Variants in SPTLC2 observed in about 807,000 individuals in gnomAD.
SPTLC2 encodes serine palmitoyltransferase 2.
In SPTLC2, 21 loss-of-function variants were observed where a neutral mutation model predicts 62.0. That is an observed-to-expected ratio of 0.34 (90% CI 0.24 to 0.49). The LOEUF is 0.49. Among genes scored for constraint, SPTLC2 ranks in the 20% least tolerant of loss-of-function variants. SPTLC2 has a pLI of 0.99. For synonymous variants in SPTLC2, 261 were observed against 261.8 expected (o/e 1.00, Z 0.03); for missense variants, 511 against 713.0 (o/e 0.72, Z 3.23).
chr14:77,551,287 G>A lies in SPTLC2; in HGVS notation c.1303+809C>T, dbSNP rs368803572. ...CGGGCGCCTGTAGTCCCAGCTACTC[G>A]GGAGGCTGAGGCAGAATGGTGTGAA... On this transcript the variant is annotated intron_variant, in intron 9 of 11. Coordinates refer to ENST00000216484, the MANE Select transcript of SPTLC2 (RefSeq NM_004863.4). Among the ~76,000 whole-genome samples, 112 of 150,488 alleles carry A rather than the reference G, an allele frequency of 7.4e-4. 2 individuals are homozygous for A. The highest frequency in any genetic ancestry group is 2.6e-3 in the African/African-American group (109 of 41,212).
intron 10 of SPTLC2, among the ~76,000 whole-genome samples, chr14:77,519,445 A>T (rs1431498481): frequency 1.3e-5 from 2 of 151,386 alleles, no homozygotes; most frequent in Non-Finnish European, 2.9e-5. Context: ...TGGCCGGGCC[A>T]GTGGCTCGTG....
At chr14:77,606,931 G>A (rs1234595314) in intron 1 of SPTLC2, among the ~76,000 whole-genome samples, 1 of 151,896 alleles carries the variant, frequency 6.6e-6, no homozygotes, top group Non-Finnish European at 1.5e-5. Flanking sequence ...TGAAGCTGCA[G>A]TGAGCCATGA....
chr14:77,560,789 G>C (rs1350756339), intron 6 of SPTLC2, among the ~76,000 whole-genome samples: 2 of 151,858 alleles, frequency 1.3e-5, no homozygotes, highest in Non-Finnish European at 2.9e-5. Context: ...ATTCTCACTT[G>C]TAAGTGGGAG....
At chr14:77,520,488 A>G (rs563881450) in intron 10 of SPTLC2, among the ~76,000 whole-genome samples, 1 of 152,338 alleles carries the variant, frequency 6.6e-6, no homozygotes, top group African/African-American at 2.4e-5. Context: ...AATGAGTTCA[A>G]TCAAACTGGA....
chr14:77,595,838 A>G (rs1219140685), intron 2 of SPTLC2, among the ~76,000 whole-genome samples: 1 of 152,170 alleles, frequency 6.6e-6, no homozygotes, highest in Non-Finnish European at 1.5e-5. Flanking sequence ...CTAATGTCTT[A>G]AGTCCTTCTC....
intron 5 of SPTLC2, among the ~76,000 whole-genome samples, chr14:77,569,682 A>G (rs1378193990): frequency 6.7e-6 from 1 of 150,300 alleles, no homozygotes. Flanking sequence ...TCAGGATGAG[A>G]GTACCAATCT....
intron 8 of SPTLC2, among the ~76,000 whole-genome samples, chr14:77,553,869 C>T (rs2079568745): frequency 6.6e-6 from 1 of 151,974 alleles, no homozygotes. Flanking sequence ...GGCTGCAATG[C>T]AGTGGTGTAA....
At chr14:77,556,550 CTTTTTAA>C in intron 7 of SPTLC2, among the ~76,000 whole-genome samples, 1 of 152,200 alleles carries the variant, frequency 6.6e-6, no homozygotes, top group Middle Eastern at 3.4e-3. Flanking sequence ...TAAAATATTT[CTTTTTAA>C]TTTTTATTTA....
chr14:77,531,443 T>TCTTCTTCTTCTCCTCCTC (rs1478198521), intron 9 of SPTLC2, among the ~76,000 whole-genome samples: 2 of 130,274 alleles, frequency 1.5e-5, no homozygotes, highest in African/African-American at 3.0e-5. Context: ...TTCTTCTTCT[T>TCTTCTTCTTCTCCTCCTC]CTCCTCCTTC....
chr14:77,555,560 T>G (rs1161009149), intron 7 of SPTLC2, 41 bp from the exon 8 acceptor site: 2 of 1,578,282 alleles, frequency 1.3e-6, no homozygotes, highest in Non-Finnish European at 1.7e-6. Flanking sequence ...ACATATACAC[T>G]GAGACTTTTT....
At chr14:77,562,341 T>C (rs2079619253) in intron 6 of SPTLC2, 55 bp downstream of exon 6, 3 of 1,467,680 alleles carry the variant, frequency 2.0e-6, no homozygotes, top group East Asian at 2.3e-5. Flanking sequence ...ACTCCCACCA[T>C]GGATCGAAAG....
intron 4 of SPTLC2, among the ~76,000 whole-genome samples, chr14:77,570,804 G>A (rs1333978510): frequency 6.6e-6 from 1 of 151,980 alleles, no homozygotes; most frequent in East Asian, 1.9e-4. Context: ...CCAGGTCTAG[G>A]CCTTAGGAGG....
intron 1 of SPTLC2, among the ~76,000 whole-genome samples, chr14:77,601,645 G>A (rs116076292): frequency 0.05 from 7,668 of 152,002 alleles, 204 homozygotes; most frequent in Middle Eastern, 0.12. Context: ...TCCTCACTTC[G>A]TGAAGAGATC....
chr14:77,611,196 G>A (rs936504359), intron 1 of SPTLC2, among the ~76,000 whole-genome samples: 2 of 151,040 alleles, frequency 1.3e-5, no homozygotes, highest in East Asian at 3.9e-4. Flanking sequence ...CCAGCTACTC[G>A]GGAGGCTGAG....
intron 2 of SPTLC2, among the ~76,000 whole-genome samples, chr14:77,592,964 G>A (rs551230098): frequency 4.6e-5 from 7 of 152,164 alleles, no homozygotes; most frequent in South Asian, 2.1e-4. Flanking sequence ...TTAGCTGGGC[G>A]TGGTGGTGCA....
At chr14:77,564,881 C>A (rs2079636053) in intron 5 of SPTLC2, among the ~76,000 whole-genome samples, 1 of 151,924 alleles carries the variant, frequency 6.6e-6, no homozygotes, top group African/African-American at 2.4e-5. Flanking sequence ...AAGAACTCTT[C>A]CTTACACAAA....
intron 1 of SPTLC2, among the ~76,000 whole-genome samples, chr14:77,611,733 G>A (rs775809029): frequency 2.0e-5 from 3 of 151,962 alleles, no homozygotes; most frequent in Non-Finnish European, 4.4e-5. Flanking sequence ...GGCTGAGGCT[G>A]GAGAATCGCT....
intron 9 of SPTLC2, among the ~76,000 whole-genome samples, chr14:77,522,320 G>T (rs919995299): frequency 6.6e-5 from 10 of 151,940 alleles, no homozygotes; most frequent in Non-Finnish European, 1.5e-4. Context: ...ACATCACCAC[G>T]CCCAGCTAAC....
intron 9 of SPTLC2, among the ~76,000 whole-genome samples, chr14:77,526,370 G>T (rs974016687): frequency 2.6e-5 from 4 of 152,174 alleles, no homozygotes; most frequent in Non-Finnish European, 5.9e-5. Context: ...CTGCTCTTAA[G>T]AAGTTTTTAT....
Sources: gnomAD v4.1 joint callset for allele counts (sites outside exome capture counted in the v4.1 genomes callset) on GRCh38, gnomAD v4.1.1 for gene constraint, MANE v1.5 for transcripts, NCBI Gene and HGNC (gene_info 2026-07-23, HGNC 2026-07-21) for gene names.